Variants in CALD1 observed in about 807,000 individuals in gnomAD.
CALD1 encodes the protein caldesmon.
A neutral mutation model predicts 99.9 loss-of-function variants in CALD1; 33 were observed. The ratio of observed to expected loss-of-function variants is 0.33; its 90% CI spans 0.25 to 0.44. The LOEUF is 0.44. Among genes scored for constraint, CALD1 ranks in the 20% least tolerant of loss-of-function variants. The pLI, the probability that CALD1 is intolerant of heterozygous loss-of-function variation, is 1.00. For missense variants in CALD1, 861 were observed against 962.1 expected, an observed-to-expected ratio of 0.89 and a Z score of 1.39; for synonymous variants, 310 against 325.0, an observed-to-expected ratio of 0.95 and a Z score of 0.50.
At chr7:134,757,332 C>A (rs1179789311) in intron 1 of CALD1, among the ~76,000 whole-genome samples, 3 of 152,170 alleles carry the variant, frequency 2.0e-5, no homozygotes, top group Admixed American at 2.0e-4. Context: ...CCTTCCACCT[C>A]CCACTTCCAT....
chr7:134,780,967 G>A (rs997734551), intron 1 of CALD1, among the ~76,000 whole-genome samples: 3 of 152,162 alleles, frequency 2.0e-5, no homozygotes, highest in African/African-American at 4.8e-5. Flanking sequence ...CATGCAATGC[G>A]GTAGTTTGGG....
intron 3 of CALD1, chr7:134,891,518 A>G: frequency 1.3e-6 from 2 of 1,501,318 alleles, no homozygotes; most frequent in South Asian, 1.3e-5. Flanking sequence ...CATTTCAGCC[A>G]CAGATCACAT....
At chr7:134,784,102 T>C (rs1424520790) in intron 1 of CALD1, among the ~76,000 whole-genome samples, 1 of 152,214 alleles carries the variant, frequency 6.6e-6, no homozygotes, top group Non-Finnish European at 1.5e-5. Flanking sequence ...CTCATTTTAG[T>C]ACATGGCTTT....
chr7:134,752,265 G>A (rs1796691655), intron 1 of CALD1, among the ~76,000 whole-genome samples: 1 of 152,154 alleles, frequency 6.6e-6, no homozygotes, highest in Non-Finnish European at 1.5e-5. Context: ...TGTCAGAAAA[G>A]GAAGCTTTCG....
chr7:134,715,975 T>G, the CALD1 span, among the ~76,000 whole-genome samples: 1 of 152,212 alleles, frequency 6.6e-6, no homozygotes, highest in Non-Finnish European at 1.5e-5. Context: ...ATTATTATTA[T>G]ACTTTAAGTT....
intron 1 of CALD1, among the ~76,000 whole-genome samples, chr7:134,791,856 G>A (rs903656559): frequency 3.3e-5 from 5 of 152,314 alleles, no homozygotes; most frequent in African/African-American, 1.2e-4. Flanking sequence ...GGCGGAAGGC[G>A]AATGAGGAGC....
rs138132789 is a variant in CALD1, at chr7:134,918,395, T to C, written c.72-10359T>C. Among the ~76,000 whole-genome samples the C allele has an allele frequency of 2.1e-3, 315 of 152,314 alleles. 1 individual carries two copies. The highest frequency in any genetic ancestry group is 3.6e-3 in the Non-Finnish European group (242 of 68,022). On this transcript the variant is annotated intron_variant, in intron 3 of 14. Transcript: ENST00000361675. ...TAAACTACAGCTATTGATATAAACA[T>C]AGATGAATCTCAAAAACATCATGTC...
At position 134,877,279 on chromosome 7, in the gene CALD1, G is replaced by A. The variant is rs1205037136; in HGVS notation, c.71+9475G>A. 3.9e-5 allele frequency among the ~76,000 whole-genome samples: 6 copies of A among 152,298 alleles called. 1 individual carries two copies. In the South Asian group the frequency reaches 8.3e-4, roughly 21 times the overall value. On this transcript the variant is annotated intron_variant, in intron 3 of 14. Coordinates refer to ENST00000361675, the MANE Select transcript of CALD1 (RefSeq NM_033138.4). ...ACAACTCCATGTGTCAGATGGCTCA[G>A]TGTCTAATCTTTTCTCTGTTTCAGA...
chr7:134,847,015 T>A (rs1586095409), intron 2 of CALD1, among the ~76,000 whole-genome samples: 1 of 152,172 alleles, frequency 6.6e-6, no homozygotes, highest in Admixed American at 6.5e-5. Flanking sequence ...GTGGCCAACA[T>A]AGGTGCCTCC....
rs1803877599 is a variant in CALD1, at chr7:134,912,368, TGAAATA to T, written c.72-16383_72-16378del. The stretch of plus-strand genomic sequence containing the variant: ...TAAACCTTATCTAGTTTAAACTTCA[TGAAATA>T]GACCTGTACTGAGAAGGATTTCTGC... On this transcript the variant is annotated intron_variant, in intron 3 of 14. Coordinates refer to ENST00000361675, the MANE Select transcript of CALD1 (RefSeq NM_033138.4). Among the ~76,000 whole-genome samples, 6 of 152,338 alleles carry T rather than the reference TGAAATA, an allele frequency of 3.9e-5. No homozygotes were observed. In the South Asian group the frequency reaches 1.2e-3, roughly 32 times the overall value.
chr7:134,918,533 A>G (rs1804381454), intron 3 of CALD1, among the ~76,000 whole-genome samples: 1 of 152,226 alleles, frequency 6.6e-6, no homozygotes, highest in Non-Finnish European at 1.5e-5. Flanking sequence ...CTACAAAGAA[A>G]AGCAAGAGAA....
At chr7:134,946,473 CTT>C (rs1397343724) in intron 7 of CALD1, among the ~76,000 whole-genome samples, 1 of 152,172 alleles carries the variant, frequency 6.6e-6, no homozygotes, top group Non-Finnish European at 1.5e-5. Context: ...AACAGCAACT[CTT>C]TATTTCCTGC....
chr7:134,758,660 A>G (rs1796751455), intron 1 of CALD1, among the ~76,000 whole-genome samples: 1 of 152,180 alleles, frequency 6.6e-6, no homozygotes, highest in Non-Finnish European at 1.5e-5. Context: ...TCTTTACTCC[A>G]AAGTCTGTTT....
chr7:134,936,966 C>A lies in CALD1; in HGVS notation c.1386+1201C>A, dbSNP rs146563999. Among the ~76,000 whole-genome samples, 757 of 152,102 alleles carry A rather than the reference C, an allele frequency of 5.0e-3. 1 individual carries two copies. The highest frequency in any genetic ancestry group is 7.7e-3 in the Non-Finnish European group (526 of 67,976). ...TGGGAAATACTTTTCATTTGGTGAC[C>A]AAATACCTACAAATTCATTTACAAA... On this transcript the variant is annotated intron_variant, in intron 6 of 14. Transcript: ENST00000361675.
intron 3 of CALD1, among the ~76,000 whole-genome samples, chr7:134,871,911 A>C (rs1801100133): frequency 6.6e-6 from 1 of 152,236 alleles, no homozygotes. Context: ...CTATTTTGCA[A>C]GCTAATTGAA....
chr7:134,808,133 C>T (rs1226924040), intron 1 of CALD1, among the ~76,000 whole-genome samples: 2 of 148,304 alleles, frequency 1.3e-5, no homozygotes, highest in Admixed American at 6.7e-5. Context: ...CAGGGTCTTA[C>T]TTTGTCGCCC....
chr7:134,828,531 T>C (rs975681563), intron 1 of CALD1, among the ~76,000 whole-genome samples: 2 of 152,172 alleles, frequency 1.3e-5, no homozygotes, highest in Non-Finnish European at 1.5e-5. Flanking sequence ...TTGTCCAATG[T>C]TGTTCTCGTT....
At chr7:134,967,191 T>C (rs1242602466) in intron 14 of CALD1, among the ~76,000 whole-genome samples, 2 of 152,174 alleles carry the variant, frequency 1.3e-5, no homozygotes, top group Non-Finnish European at 2.9e-5. Flanking sequence ...ACATGAATGG[T>C]ACTCCCTGGA....
intron 3 of CALD1, chr7:134,891,299 G>T: frequency 1.1e-6 from 1 of 926,516 alleles, no homozygotes; most frequent in Non-Finnish European, 1.4e-6. Context: ...TGGAACTCCC[G>T]AAGCAATCAG....
Sources: gnomAD v4.1 joint callset for allele counts (sites outside exome capture counted in the v4.1 genomes callset) on GRCh38, gnomAD v4.1.1 for gene constraint, MANE v1.5 for transcripts, NCBI Gene and HGNC (gene_info 2026-07-23, HGNC 2026-07-21) for gene names.